Variants in DSCAML1 observed in about 807,000 individuals in gnomAD.
DSCAML1 encodes DS cell adhesion molecule like 1, also known as cell adhesion molecule DSCAML1.
A neutral mutation model predicts 200.5 loss-of-function variants in DSCAML1; 38 were observed. The ratio of observed to expected loss-of-function variants is 0.19; its 90% CI spans 0.15 to 0.25. DSCAML1 has a LOEUF of 0.25. Ranked by LOEUF, DSCAML1 falls within the 10% of genes least tolerant of loss-of-function variation. The pLI is 1.00. For synonymous variants in DSCAML1, 1,215 were observed against 1,165.0 expected (o/e 1.04, Z -0.87); for missense variants, 2,223 against 2,858.8 (o/e 0.78, Z 5.07).
chr11:117,701,614 G>T (rs568548839), intron 3 of DSCAML1, among the ~76,000 whole-genome samples: 93 of 152,264 alleles, frequency 6.1e-4, no homozygotes, highest in African/African-American at 2.1e-3. Flanking sequence ...AGCGCGGGGT[G>T]GGGGAGGCCT....
chr11:117,680,781 AGCAGGCTCACGCCCCCTGCCAG>A (rs2053296611), intron 3 of DSCAML1, among the ~76,000 whole-genome samples: 1 of 152,190 alleles, frequency 6.6e-6, no homozygotes, highest in Admixed American at 6.5e-5. Flanking sequence ...TGATGGGTCA[AGCAGGCTCACGCCCCCTGCCAG>A]GCAGGGTCCG....
chr11:117,617,381 T>C (rs988417166), intron 3 of DSCAML1, among the ~76,000 whole-genome samples: 1 of 152,168 alleles, frequency 6.6e-6, no homozygotes, highest in Non-Finnish European at 1.5e-5. Context: ...GTATGCATGT[T>C]GTGGTATTTT....
chr11:117,801,165 A>G (rs560526072), upstream of DSCAML1: 4 of 152,370 alleles, frequency 2.6e-5, no homozygotes, highest in South Asian at 2.1e-4. Flanking sequence ...AATATTATAG[A>G]AAGAGTTCTC....
At chr11:117,441,425 G>A (rs780610940) in intron 21 of DSCAML1, among the ~76,000 whole-genome samples, 1 of 152,206 alleles carries the variant, frequency 6.6e-6, no homozygotes. Context: ...TGACAGGGAA[G>A]TGACCAACTC....
chr11:117,561,747 A>C (rs2050667278), intron 3 of DSCAML1, among the ~76,000 whole-genome samples: 1 of 152,202 alleles, frequency 6.6e-6, no homozygotes, highest in Admixed American at 6.5e-5. Flanking sequence ...GAAGGGCAGG[A>C]TGCCCCTCGT....
intron 20 of DSCAML1, among the ~76,000 whole-genome samples, chr11:117,447,043 A>G (rs1038022719): frequency 6.6e-6 from 1 of 152,164 alleles, no homozygotes; most frequent in East Asian, 1.9e-4. Context: ...TAATCCCAGC[A>G]CTTTGGGAGG....
At chr11:117,507,880 GC>G (rs2049533659) in intron 8 of DSCAML1, among the ~76,000 whole-genome samples, 2 of 152,156 alleles carry the variant, frequency 1.3e-5, no homozygotes, top group African/African-American at 4.8e-5. Context: ...TTGGGACTCT[GC>G]CCCCAGTATT....
In DSCAML1 at chr11:117,437,409, T is replaced by C. The variant is rs754716340; in HGVS notation, c.4433A>G (p.Glu1478Gly). 4.3e-6 allele frequency: 7 copies of C among 1,610,362 alleles called. No individual in the cohort carries two copies. In the African/African-American group the frequency reaches 8.0e-5, roughly 18 times the overall value. The part of the protein sequence containing the change: ...EIIEAKTHGR[E>G]PSFSKDQHLF... ...GTGTTGGTCTTTGCTGAAGGAGGGC[T>C]CTGGCAGGCCGGAGGGAGAGAGAGA... The change falls in exon 26 of 33, where the codon GAG becomes GGG. Residue 1478 changes from glutamate (E) to glycine (G), a missense_variant and splice_region_variant. Physicochemically the swap from Glu to Gly is moderately conservative, Grantham distance 98 (BLOSUM62 -2). Transcript: ENST00000651296. The surrounding 1 kb of genome is among the most constrained non-coding windows in gnomAD (Gnocchi z 5.3).
In DSCAML1 at chr11:117,601,780, A is replaced by G. The variant is rs78287218; in HGVS notation, c.512-69258T>C. Among the ~76,000 whole-genome samples the G allele has an allele frequency of 1.0e-2, 1,518 of 152,356 alleles. 32 individuals are homozygous for G. The highest frequency in any genetic ancestry group is 0.033 in the African/African-American group (1,392 of 41,578). On this transcript the variant is annotated intron_variant, in intron 3 of 32. Transcript: ENST00000651296. ...GCTTCTCCAGCAGGAGGGAAAATAC[A>G]GGGTGAGGAATCTGCATTCAGGAGC...
intron 3 of DSCAML1, among the ~76,000 whole-genome samples, chr11:117,686,580 G>A (rs980894865): frequency 6.6e-6 from 1 of 152,236 alleles, no homozygotes; most frequent in Admixed American, 6.5e-5. Context: ...TCCTTGCAAA[G>A]TTCTCTTGGC....
chr11:117,765,070 C>G (rs1213595442), intron 3 of DSCAML1, among the ~76,000 whole-genome samples: 1 of 152,174 alleles, frequency 6.6e-6, no homozygotes, highest in Non-Finnish European at 1.5e-5. Flanking sequence ...GGTATTCAGA[C>G]ATACTTTGAG....
chr11:117,608,911 T>C (rs949538247), intron 3 of DSCAML1, among the ~76,000 whole-genome samples: 4 of 151,896 alleles, frequency 2.6e-5, no homozygotes, highest in Admixed American at 1.3e-4. Context: ...CTTACACTTG[T>C]AATCCCAGCA....
intron 16 of DSCAML1, 84 bp from the exon 17 acceptor site, chr11:117,465,266 C>T: frequency 1.3e-6 from 2 of 1,545,918 alleles, no homozygotes; most frequent in Non-Finnish European, 1.8e-6. Context: ...GATCATGTCA[C>T]TCCTCTGCCC....
chr11:117,439,320 T>C lies in DSCAML1; in HGVS notation c.4090A>G (p.Thr1364Ala). The C allele has an allele frequency of 6.2e-7, 1 of 1,614,088 alleles. No homozygotes were observed. Among genetic ancestry groups the C allele is most frequent in the Non-Finnish European group, 8.5e-7 (1 of 1,180,014 alleles). The change falls in exon 23 of 33, where the codon ACG (threonine) becomes GCG (alanine). Residue 1364 changes from threonine to alanine, a missense_variant. Thr to Ala is a moderately conservative substitution (Grantham distance 58). Transcript: ENST00000651296. ...KAEDSGYYTC[T>A]ATNTGGFDTI... The stretch of plus-strand genomic sequence containing the variant: ...TCAAAGCCACCAGTGTTGGTGGCCG[T>C]GCACGTGTAGTAGCCAGAGTCCTCA...
chr11:117,540,474 C>T (rs1299098269), intron 3 of DSCAML1, among the ~76,000 whole-genome samples: 1 of 152,086 alleles, frequency 6.6e-6, no homozygotes, highest in Non-Finnish European at 1.5e-5. Context: ...AATGGAGTTT[C>T]AGTTTTACAA....
intron 3 of DSCAML1, among the ~76,000 whole-genome samples, chr11:117,653,587 C>A (rs2052675190): frequency 6.6e-6 from 1 of 152,110 alleles, no homozygotes; most frequent in Non-Finnish European, 1.5e-5. Context: ...GAATCTGGAC[C>A]CCTCACACCC....
chr11:117,809,457 C>CG (rs1187065541), intron 1 of DSCAML1, among the ~76,000 whole-genome samples: 5 of 152,244 alleles, frequency 3.3e-5, no homozygotes, highest in Non-Finnish European at 7.3e-5. Flanking sequence ...TCCAGGCCTC[C>CG]GCACTGGGAA....
Position 117,428,097 on chromosome 11 carries a change from T to C in DSCAML1, c.*231A>G. 2.2e-6 allele frequency: 1 copy of C among 458,496 alleles called. No individual in the cohort carries two copies. Among genetic ancestry groups the C allele is most frequent in the East Asian group, 4.4e-5 (1 of 22,966 alleles). The allele number at this position is 458,496 out of a possible 1,614,324, so 28.4% of individuals were successfully genotyped here. ...CACACATATTTTGTGGGGTGGGGGA[T>C]TTGACTTGTACTGTCAAATTCTTTG... On this transcript the variant is annotated 3_prime_UTR_variant, in exon 33 of 33. Transcript: ENST00000651296.
intron 3 of DSCAML1, among the ~76,000 whole-genome samples, chr11:117,618,914 A>G (rs927740857): frequency 6.6e-6 from 1 of 152,110 alleles, no homozygotes; most frequent in Non-Finnish European, 1.5e-5. Context: ...TTCTCAGGAG[A>G]CAGGGACCTT....
Sources: gnomAD v4.1 joint callset for allele counts (sites outside exome capture counted in the v4.1 genomes callset) on GRCh38, gnomAD v4.1.1 for gene constraint, Gnocchi (gnomAD v3.1) non-coding constraint, MANE v1.5 for transcripts, NCBI Gene and HGNC (gene_info 2026-07-23, HGNC 2026-07-21) for gene names.